Variants in KLHDC1 observed in about 807,000 individuals in gnomAD.
KLHDC1 encodes the protein kelch domain containing 1.
Under a neutral mutation model 68.3 loss-of-function variants are expected in KLHDC1, and 53 were observed. The observed-to-expected ratio is 0.78, with a 90% CI of 0.62 to 0.98. KLHDC1 has a LOEUF of 0.98. Among genes scored for constraint, KLHDC1 ranks in the 50% least tolerant of loss-of-function variants. The pLI, the probability that KLHDC1 is intolerant of heterozygous loss-of-function variation, is 0.00. For synonymous variants in KLHDC1, 148 were observed against 159.0 expected, an observed-to-expected ratio of 0.93 and a Z score of 0.52; for missense variants, 470 against 492.3, an observed-to-expected ratio of 0.95 and a Z score of 0.43.
intron 1 of KLHDC1, among the ~76,000 whole-genome samples, chr14:49,706,808 T>G (rs1888061905): frequency 6.6e-6 from 1 of 152,212 alleles, no homozygotes; most frequent in Non-Finnish European, 1.5e-5. Context: ...ACAAGTATTT[T>G]GCCCATTTTT....
Position 49,694,276 on chromosome 14 carries a change from C to T in KLHDC1, c.96+986C>T, listed in dbSNP as rs1594641173. On this transcript the variant is annotated intron_variant, in intron 1 of 12. Transcript: ENST00000359332. ...GCTGGAAAACAGGAATACTATATGC[C>T]AACCCTCTTAGTTTACAGATTTTTT... 3.3e-5 allele frequency among the ~76,000 whole-genome samples: 5 copies of T among 152,134 alleles called. No individual in the cohort carries two copies. The East Asian group carries it at 9.7e-4, about 29-fold the overall frequency.
chr14:49,696,677 T>C (rs1241477100), intron 1 of KLHDC1, among the ~76,000 whole-genome samples: 1 of 152,236 alleles, frequency 6.6e-6, no homozygotes, highest in African/African-American at 2.4e-5. Flanking sequence ...ACTTCCTCCA[T>C]GTCAGGAATA....
At chr14:49,694,022 G>C (rs1887661344) in intron 1 of KLHDC1, among the ~76,000 whole-genome samples, 1 of 151,850 alleles carries the variant, frequency 6.6e-6, no homozygotes, top group Non-Finnish European at 1.5e-5. Flanking sequence ...AAAATGCTGG[G>C]ATTACAGGCA....
chr14:49,714,899 A>G (rs928488758), intron 4 of KLHDC1, among the ~76,000 whole-genome samples: 1 of 147,522 alleles, frequency 6.8e-6, no homozygotes, highest in African/African-American at 2.5e-5. Flanking sequence ...TACTTAATAT[A>G]TATTTATATA....
At chr14:49,747,436 T>C (rs993311025) in intron 12 of KLHDC1, among the ~76,000 whole-genome samples, 1 of 152,130 alleles carries the variant, frequency 6.6e-6, no homozygotes, top group Non-Finnish European at 1.5e-5. Context: ...AGTAGGTTGT[T>C]AGAAACACAA....
At chr14:49,693,895 C>G (rs866109607) in intron 1 of KLHDC1, among the ~76,000 whole-genome samples, 9 of 151,034 alleles carry the variant, frequency 6.0e-5, no homozygotes, top group African/African-American at 2.2e-4. Context: ...CTGGGCTTAC[C>G]GGCATGTGCC....
intron 11 of KLHDC1, among the ~76,000 whole-genome samples, chr14:49,742,381 CGGGGA>C (rs1889084894): frequency 6.6e-6 from 1 of 152,100 alleles, no homozygotes; most frequent in African/African-American, 2.4e-5. Flanking sequence ...TAAGAATTCC[CGGGGA>C]GGGCTGGGCG....
rs535737888 is a variant in KLHDC1 at position 49,713,545 on chromosome 14, G to A, written c.404+3164G>A. 5.3e-5 allele frequency among the ~76,000 whole-genome samples: 8 copies of A among 151,854 alleles called. No homozygotes were observed. The South Asian group carries it at 1.7e-3, about 32-fold the overall frequency. On this transcript the variant is annotated intron_variant, in intron 4 of 12. Coordinates refer to ENST00000359332, the MANE Select transcript of KLHDC1 (RefSeq NM_172193.3). ...AGTCATTTCTCTAGTATCCTTCAAA[G>A]TGGTCAGTAAGGTTTTAAATTACCA...
intron 1 of KLHDC1, among the ~76,000 whole-genome samples, chr14:49,705,696 A>C (rs867705798): frequency 5.9e-5 from 9 of 152,056 alleles, no homozygotes; most frequent in African/African-American, 2.2e-4. Flanking sequence ...AAAGGAGTAC[A>C]CATGAGGCTA....
At chr14:49,713,024 A>C (rs1888249031) in intron 4 of KLHDC1, among the ~76,000 whole-genome samples, 1 of 142,126 alleles carries the variant, frequency 7.0e-6, no homozygotes, top group South Asian at 2.2e-4. Flanking sequence ...ATCTCAGCTC[A>C]CTGCAAGCTC....
chr14:49,724,803 T>G (rs917218330), intron 5 of KLHDC1, among the ~76,000 whole-genome samples: 1 of 151,590 alleles, frequency 6.6e-6, no homozygotes, highest in Middle Eastern at 3.2e-3. Flanking sequence ...TATCATGTCC[T>G]GAAGTTTCTG....
intron 12 of KLHDC1, among the ~76,000 whole-genome samples, 183 bp downstream of exon 12, chr14:49,743,988 A>G (rs1284407796): frequency 1.3e-5 from 2 of 152,196 alleles, no homozygotes; most frequent in African/African-American, 2.4e-5. Context: ...TGAGTTTTAA[A>G]AATTAAAATA....
chr14:49,696,513 T>C (rs1427264017), intron 1 of KLHDC1, among the ~76,000 whole-genome samples: 1 of 152,122 alleles, frequency 6.6e-6, no homozygotes, highest in Non-Finnish European at 1.5e-5. Flanking sequence ...GAAGAACAGC[T>C]TCCTTCCTTT....
At chr14:49,742,726 AAGG>A (rs1332321498) in intron 11 of KLHDC1, among the ~76,000 whole-genome samples, 1 of 151,864 alleles carries the variant, frequency 6.6e-6, no homozygotes, top group Non-Finnish European at 1.5e-5. Flanking sequence ...CCACCTGGAA[AAGG>A]AGGACAAGGT....
intron 11 of KLHDC1, among the ~76,000 whole-genome samples, chr14:49,742,622 G>A (rs1220379348): frequency 2.1e-5 from 3 of 145,852 alleles, no homozygotes; most frequent in African/African-American, 5.1e-5. Context: ...GCGGTGAGCC[G>A]AGATCGCACC....
intron 1 of KLHDC1, among the ~76,000 whole-genome samples, chr14:49,699,515 A>C (rs1887841793): frequency 6.6e-6 from 1 of 152,196 alleles, no homozygotes; most frequent in Non-Finnish European, 1.5e-5. Flanking sequence ...CAAGATAGTT[A>C]AAAGGCCCTG....
intron 8 of KLHDC1, among the ~76,000 whole-genome samples, chr14:49,729,876 T>C (rs1566613062): frequency 6.6e-6 from 1 of 152,232 alleles, no homozygotes; most frequent in Non-Finnish European, 1.5e-5. Flanking sequence ...TCGGATTTTA[T>C]TTGTAGCTCA....
At chr14:49,693,665 A>C (rs539567202) in intron 1 of KLHDC1, among the ~76,000 whole-genome samples, 2 of 151,122 alleles carry the variant, frequency 1.3e-5, no homozygotes, top group Non-Finnish European at 2.9e-5. Flanking sequence ...CATTTTGTAT[A>C]TATTTCCTTA....
rs1286329576 is a variant in KLHDC1 at position 49,732,736 on chromosome 14, G to T, written c.743G>T (p.Arg248Leu). 1 of 1,607,938 alleles carries T rather than the reference G, an allele frequency of 6.2e-7. No individual in the cohort carries two copies. The highest frequency in any genetic ancestry group is 8.5e-7 in the Non-Finnish European group (1 of 1,174,906). ...ATTAATGGAGAAAGCCCAAAACATC[G>T]GTCATGGCATACTTTAACACCTATA... Reference protein sequence around the residue: ...ITINGESPKHRSWHTLTPIAD... With the variant: ...ITINGESPKHLSWHTLTPIAD... The change falls in exon 9 of 13, where the codon CGG (arginine) becomes CTG (leucine). Residue 248 changes from arginine to leucine, a missense_variant. Physicochemically the swap from Arg to Leu is moderately radical, Grantham distance 102. Transcript: ENST00000359332.
Sources: allele counts gnomAD v4.1 joint callset (sites outside exome capture counted in the v4.1 genomes callset), GRCh38; gene constraint gnomAD v4.1.1; transcripts MANE v1.5; gene names NCBI Gene and HGNC (gene_info 2026-07-23, HGNC 2026-07-21).